Variants in PDZD2 observed in about 807,000 individuals in gnomAD.
PDZD2 encodes the protein PDZ domain-containing protein 2.
PDZD2 carries 90 observed loss-of-function variants against 220.7 expected under a neutral mutation model. That is an observed-to-expected ratio of 0.41 (90% CI 0.34 to 0.49). The LOEUF (loss-of-function observed/expected upper bound fraction) is 0.49. PDZD2 is among the 20% of genes least tolerant of loss of function. PDZD2 has a pLI of 0.28. For missense variants in PDZD2, 3,174 were observed against 3,608.5 expected, an observed-to-expected ratio of 0.88 and a Z score of 3.08; for synonymous variants, 1,375 against 1,450.5, an observed-to-expected ratio of 0.95 and a Z score of 1.18.
intron 2 of PDZD2, among the ~76,000 whole-genome samples, chr5:31,881,690 A>AC (rs11372269): frequency 0.46 from 70,192 of 151,184 alleles, 16,568 homozygotes; most frequent in South Asian, 0.55. Context: ...GCATATACAT[A>AC]ATACAATACA....
At chr5:32,027,698 G>A (rs1275747729) in intron 6 of PDZD2, among the ~76,000 whole-genome samples, 3 of 152,174 alleles carry the variant, frequency 2.0e-5, no homozygotes, top group Non-Finnish European at 2.9e-5. Flanking sequence ...GCAGCGGGTC[G>A]AGTGTAGCAG....
At chr5:31,827,357 C>T (rs981884555) in intron 2 of PDZD2, among the ~76,000 whole-genome samples, 5 of 152,050 alleles carry the variant, frequency 3.3e-5, no homozygotes, top group African/African-American at 9.7e-5. Context: ...TGATTAATAA[C>T]GATATGAAGG....
intron 22 of PDZD2, among the ~76,000 whole-genome samples, chr5:32,097,881 T>C (rs1743872190): frequency 6.6e-6 from 1 of 152,192 alleles, no homozygotes; most frequent in Non-Finnish European, 1.5e-5. Flanking sequence ...GTGGAGACAC[T>C]GGCATTGACA....
At chr5:31,640,238 G>A (rs377264134) in intron 1 of PDZD2, among the ~76,000 whole-genome samples, 9 of 152,314 alleles carry the variant, frequency 5.9e-5, no homozygotes, top group African/African-American at 1.9e-4. Context: ...GCTGTCCTCG[G>A]CAGCCCAAAT....
intron 1 of PDZD2, among the ~76,000 whole-genome samples, chr5:31,777,310 A>T (rs1752728044): frequency 1.3e-5 from 2 of 152,154 alleles, no homozygotes; most frequent in African/African-American, 4.8e-5. Flanking sequence ...ACTGTGCTTG[A>T]ATTCTCGCCA....
intron 2 of PDZD2, among the ~76,000 whole-genome samples, chr5:31,803,096 ATTTTAT>A (rs926791260): frequency 7.4e-6 from 1 of 135,446 alleles, no homozygotes; most frequent in African/African-American, 3.2e-5. Context: ...ATTTTATTTT[ATTTTAT>A]TTTTTTTTTT....
chr5:32,071,494 G>A (rs369782547), intron 16 of PDZD2, 76 bp downstream of exon 16: 179 of 1,119,608 alleles, frequency 1.6e-4, no homozygotes, highest in Admixed American at 6.5e-4. Context: ...AAGTCAAGCC[G>A]GAGGGCCCAG....
chr5:31,796,253 A>G (rs956800639), intron 1 of PDZD2, among the ~76,000 whole-genome samples: 4 of 152,180 alleles, frequency 2.6e-5, no homozygotes, highest in African/African-American at 9.7e-5. Flanking sequence ...AAAATTTTAC[A>G]ATGTAATTTA....
At chr5:31,787,338 A>G (rs1167818707) in intron 1 of PDZD2, among the ~76,000 whole-genome samples, 1 of 152,232 alleles carries the variant, frequency 6.6e-6, no homozygotes, top group Non-Finnish European at 1.5e-5. Context: ...ATTAACCCAG[A>G]ACTGGCCAAA....
At chr5:32,030,989 C>T (rs1463431596) in intron 6 of PDZD2, among the ~76,000 whole-genome samples, 3 of 152,082 alleles carry the variant, frequency 2.0e-5, no homozygotes, top group South Asian at 2.1e-4. Context: ...CAAGTCTGTC[C>T]GCATATGCTG....
intron 2 of PDZD2, among the ~76,000 whole-genome samples, chr5:31,966,611 G>A (rs748497918): frequency 6.6e-6 from 1 of 152,230 alleles, no homozygotes; most frequent in Non-Finnish European, 1.5e-5. Context: ...AAGTTGCTCT[G>A]TCAACATCTG....
chr5:31,649,125 G>T (rs567661427), intron 1 of PDZD2, among the ~76,000 whole-genome samples: 3 of 151,594 alleles, frequency 2.0e-5, no homozygotes, highest in Non-Finnish European at 4.4e-5. Context: ...CGGTCCACCC[G>T]CTTTGGCCTC....
chr5:31,954,686 T>C (rs1307557549), intron 2 of PDZD2, among the ~76,000 whole-genome samples: 3 of 152,076 alleles, frequency 2.0e-5, no homozygotes, highest in African/African-American at 7.2e-5. Context: ...CCTACCACTT[T>C]GGGAGACCGA....
At chr5:31,934,639 G>T (rs1745569782) in intron 2 of PDZD2, among the ~76,000 whole-genome samples, 2 of 136,372 alleles carry the variant, frequency 1.5e-5, no homozygotes, top group South Asian at 4.9e-4. Flanking sequence ...CTTAAGTCCG[G>T]ATACTAGACC....
chr5:31,847,892 C>T (rs747490696), intron 2 of PDZD2: 6 of 485,230 alleles, frequency 1.2e-5, no homozygotes, highest in South Asian at 3.3e-5. Context: ...AGATTACATG[C>T]GTTACCTAAT....
chr5:31,683,077 T>C (rs1746712359), intron 1 of PDZD2, among the ~76,000 whole-genome samples: 1 of 151,960 alleles, frequency 6.6e-6, no homozygotes, highest in African/African-American at 2.4e-5. Context: ...CATTCGGCCC[T>C]TAAGTTTTGC....
At chr5:31,794,486 C>T (rs1056432476) in intron 1 of PDZD2, among the ~76,000 whole-genome samples, 1 of 150,082 alleles carries the variant, frequency 6.7e-6, no homozygotes, top group African/African-American at 2.5e-5. Context: ...CTGCAAGCTC[C>T]GCCTCCCGGG....
chr5:31,864,909 C>T (rs958387342), intron 2 of PDZD2, among the ~76,000 whole-genome samples: 2 of 125,582 alleles, frequency 1.6e-5, no homozygotes, highest in African/African-American at 3.1e-5. Flanking sequence ...TGTGCAGTGG[C>T]GTAATCTCGG....
intron 1 of PDZD2, among the ~76,000 whole-genome samples, chr5:31,686,853 TATTGA>T (rs1746892084): frequency 6.6e-6 from 1 of 152,224 alleles, no homozygotes; most frequent in Non-Finnish European, 1.5e-5. Flanking sequence ...TCTGCTACCT[TATTGA>T]ATTGTCTTTG....
Sources: allele counts gnomAD v4.1 joint callset (sites outside exome capture counted in the v4.1 genomes callset), GRCh38; gene constraint gnomAD v4.1.1; transcripts MANE v1.5; gene names NCBI Gene and HGNC (gene_info 2026-07-23, HGNC 2026-07-21).